The following NEDD4L variants were observed in gnomAD, a reference collection of about 807,000 sequenced individuals.
NEDD4L encodes NEDD4 like E3 ubiquitin protein ligase.
Under a neutral mutation model 148.9 loss-of-function variants are expected in NEDD4L, and 54 were observed. The ratio of observed to expected loss-of-function variants is 0.36; its 90% confidence interval spans 0.29 to 0.45. NEDD4L has a LOEUF of 0.45. Ranked by LOEUF, NEDD4L falls within the 20% of genes least tolerant of loss-of-function variation. The pLI is 1.00. For missense variants in NEDD4L, 856 were observed against 1,233.8 expected (o/e 0.69, Z 4.59); for synonymous variants, 433 against 440.7 (o/e 0.98, Z 0.22).
chr18:58,089,263 A>G (rs1193250719), intron 1 of NEDD4L, among the ~76,000 whole-genome samples: 1 of 150,452 alleles, frequency 6.6e-6, no homozygotes, highest in Non-Finnish European at 1.5e-5. Flanking sequence ...CCTCCCGAGT[A>G]GGTGGGATTA....
chr18:58,098,914 G>T (rs1048861614), intron 1 of NEDD4L, among the ~76,000 whole-genome samples: 13 of 152,172 alleles, frequency 8.5e-5, no homozygotes, highest in African/African-American at 3.1e-4. Flanking sequence ...ACAGGGTTTC[G>T]TCAGTAAATG....
In NEDD4L at chr18:58,398,109, G is replaced by C. The variant is rs1602124119; in HGVS notation, c.*1840G>C. The C allele has an allele frequency of 8.2e-6, 1 of 121,548 alleles. No individual in the cohort carries two copies. Among genetic ancestry groups the C allele is most frequent in the Admixed American group, 1.1e-4 (1 of 8,946 alleles). 7.5% of individuals were successfully genotyped at this position (121,548 alleles called of 1,614,324 possible). A position where few individuals can be genotyped will look rare whatever the true frequency, so the allele number is the denominator to read the frequency against. Reference sequence around the variant, plus strand: ...TGAGTGTTGGTTCCTTTTTCTTATTGGTTGAAAATTACCTGGTAGTGATCA... The same window carrying C: ...TGAGTGTTGGTTCCTTTTTCTTATTCGTTGAAAATTACCTGGTAGTGATCA... On this transcript the variant is annotated 3_prime_UTR_variant, in exon 31 of 31. Coordinates refer to ENST00000400345, the MANE Select transcript of NEDD4L (RefSeq NM_001144967.3).
intron 2 of NEDD4L, among the ~76,000 whole-genome samples, chr18:58,176,647 T>C (rs930494529): frequency 6.6e-6 from 1 of 152,206 alleles, no homozygotes; most frequent in Non-Finnish European, 1.5e-5. Flanking sequence ...ACAGGTCACT[T>C]TTCTGTACCA....
intron 1 of NEDD4L, among the ~76,000 whole-genome samples, chr18:58,095,450 C>T (rs2084333980): frequency 2.3e-5 from 3 of 128,556 alleles, no homozygotes; most frequent in South Asian, 2.2e-4. Flanking sequence ...GCTCCCACCG[C>T]GTGGGGAGTA....
At chr18:58,178,238 G>C (rs1385510651) in intron 2 of NEDD4L, among the ~76,000 whole-genome samples, 1 of 152,220 alleles carries the variant, frequency 6.6e-6, no homozygotes, top group African/African-American at 2.4e-5. Context: ...GTCAATGACA[G>C]ACTAATTCTG....
At chr18:58,195,561 C>T (rs752141941) in intron 2 of NEDD4L, 58 of 1,339,098 alleles carry the variant, frequency 4.3e-5, no homozygotes, top group Non-Finnish European at 5.1e-5. Context: ...CGCGGTGCCT[C>T]CCCAGCACGG....
In NEDD4L at chr18:58,401,126, A is replaced by T. The variant is rs1217817975; in HGVS notation, c.*4857A>T. 1 of 152,186 alleles carries T rather than the reference A, an allele frequency of 6.6e-6. No individual in the cohort carries two copies. Among genetic ancestry groups the T allele is most frequent in the Non-Finnish European group, 1.5e-5 (1 of 68,026 alleles). The allele number at this position is 152,186 out of a possible 1,614,324, so 9.4% of individuals were successfully genotyped here. A position where few individuals can be genotyped will look rare whatever the true frequency, so the allele number is the denominator to read the frequency against. ...TTCCTAATTCAGGATCTATCATCAA[A>T]TGAAACATGAAAAAAACAGTGACTT... On this transcript the variant is annotated 3_prime_UTR_variant, in exon 31 of 31. Coordinates refer to ENST00000400345, the MANE Select transcript of NEDD4L (RefSeq NM_001144967.3).
intron 2 of NEDD4L, among the ~76,000 whole-genome samples, chr18:58,200,379 A>G (rs960986896): frequency 3.0e-5 from 4 of 131,148 alleles, no homozygotes; most frequent in African/African-American, 1.1e-4. Context: ...TAGCTGGACA[A>G]TGGGACTTGT....
At position 58,256,881 on chromosome 18, in the gene NEDD4L, T is replaced by C; in HGVS notation, c.297+4827T>C. The C allele has an allele frequency of 9.9e-7, 1 of 1,008,942 alleles. No individual in the cohort carries two copies. The allele number at this position is 1,008,942 out of a possible 1,614,324, so 62.5% of individuals were successfully genotyped here. On this transcript the variant is annotated intron_variant, in intron 5 of 30. Transcript: ENST00000400345. This position sits in a 1 kb window ranked among gnomAD's most constrained non-coding sequence, Gnocchi z 5.2. ...CCCTCTGTTCCGGGAGTTTCCCTGC[T>C]TCAGGCCAGTGGATCTGAATGTTTG... is the stretch of plus-strand genomic sequence containing the variant.
intron 24 of NEDD4L, among the ~76,000 whole-genome samples, chr18:58,381,493 G>A (rs183699625): frequency 1.3e-5 from 2 of 152,322 alleles, no homozygotes; most frequent in East Asian, 1.9e-4. Flanking sequence ...GTATTACAGG[G>A]ATTGTGGATG....
chr18:58,266,417 T>C (rs955450107), intron 5 of NEDD4L, among the ~76,000 whole-genome samples: 4 of 152,146 alleles, frequency 2.6e-5, no homozygotes, highest in African/African-American at 9.7e-5. Context: ...ACACCAGATG[T>C]TTTTCTTAGT....
chr18:58,329,124 C>G lies in NEDD4L; in HGVS notation c.810C>G (p.Pro270=), dbSNP rs370529329. ...EPEPSEGGDV[P]EPWETISEEV... is the part of the protein sequence containing the mutation. ...AGCCCTCGGAGGGCGGGGATGTCCC[C>G]GAGGTACGATGTCCCCAGAATGGTG... Residue 270 remains proline, a synonymous_variant, in exon 10 of 31, where the codon CCC becomes CCG. Transcript: ENST00000400345. The G allele has an allele frequency of 3.1e-6, 5 of 1,613,632 alleles. No individual in the cohort carries two copies. Among genetic ancestry groups the G allele is most frequent in the Non-Finnish European group, 3.4e-6 (4 of 1,179,808 alleles).
At chr18:58,148,083 A>G (rs1286361902) in intron 1 of NEDD4L, among the ~76,000 whole-genome samples, 5 of 150,988 alleles carry the variant, frequency 3.3e-5, no homozygotes, top group Admixed American at 6.6e-5. Context: ...TTTCTTTCCA[A>G]TTCTACTAGT....
chr18:58,083,629 A>G (rs1331548783), intron 1 of NEDD4L, among the ~76,000 whole-genome samples: 1 of 152,206 alleles, frequency 6.6e-6, no homozygotes, highest in East Asian at 1.9e-4. Context: ...CAGAGCTTGC[A>G]GTCAGCAGAG....
chr18:58,341,130 T>G lies in NEDD4L; in HGVS notation c.1218T>G (p.His406Gln). 1 of 1,612,846 alleles carries G rather than the reference T, an allele frequency of 6.2e-7. No individual in the cohort carries two copies. The highest frequency in any genetic ancestry group is 8.5e-7 in the Non-Finnish European group (1 of 1,179,518). The change falls in exon 14 of 31, where the codon CAT (histidine) becomes CAG (glutamine). Residue 406 changes from histidine (H) to glutamine (Q), a missense_variant. By Grantham distance (24) the His-to-Gln change is conservative. Around this residue, in one of 4 missense-constraint regions of NEDD4L, gnomAD observed 367 missense variants for 422.7 expected, o/e 0.87. Coordinates refer to ENST00000400345, the MANE Select transcript of NEDD4L (RefSeq NM_001144967.3). ...AGGGGCGCACATACTATGTCAATCA[T>G]AACAATCGAACCACAACTTGGACTC... ...DAKGRTYYVN[H>Q]NNRTTTWTRP...
At chr18:58,125,815 A>C (rs1217767626) in intron 1 of NEDD4L, among the ~76,000 whole-genome samples, 1 of 152,256 alleles carries the variant, frequency 6.6e-6, no homozygotes, top group African/African-American at 2.4e-5. Flanking sequence ...TCAAGTATTT[A>C]ACAGTCTTTT....
intron 2 of NEDD4L, among the ~76,000 whole-genome samples, chr18:58,213,169 G>A (rs1337754420): frequency 6.6e-6 from 1 of 150,894 alleles, no homozygotes; most frequent in African/African-American, 2.5e-5. Flanking sequence ...TTGAAAAGCA[G>A]ATGGGCAATG....
At chr18:58,154,555 G>A (rs904920628) in intron 1 of NEDD4L, among the ~76,000 whole-genome samples, 1 of 152,164 alleles carries the variant, frequency 6.6e-6, no homozygotes, top group Non-Finnish European at 1.5e-5. Context: ...GGAGGCCAAG[G>A]TGGGTGGATT....
intron 26 of NEDD4L, 118 bp from the exon 27 acceptor site, chr18:58,387,321 G>A (rs2049163541): frequency 8.7e-7 from 1 of 1,149,750 alleles, no homozygotes; most frequent in African/African-American, 1.6e-5. Context: ...CACTGACATA[G>A]GAATCATCAG....
Sources: allele counts gnomAD v4.1 joint callset (sites outside exome capture counted in the v4.1 genomes callset), GRCh38; gene constraint gnomAD v4.1.1; regional missense constraint gnomAD v4.1.1; non-coding constraint Gnocchi (gnomAD v3.1); transcripts MANE v1.5; gene names NCBI Gene and HGNC (gene_info 2026-07-23, HGNC 2026-07-21).